BCAS3: variants seen among roughly 807,000 people sequenced by gnomAD.
BCAS3 encodes BCAS3 microtubule associated cell migration factor, also known as BCAS4/BCAS3 fusion.
Under a neutral mutation model 116.1 loss-of-function variants are expected in BCAS3, and 53 were observed. The ratio of observed to expected loss-of-function variants is 0.46; its 90% confidence interval spans 0.37 to 0.57. The LOEUF is 0.57. Ranked by LOEUF, BCAS3 falls within the 20% of genes least tolerant of loss-of-function variation. BCAS3 has a pLI of 0.00. For missense variants in BCAS3, 917 were observed against 1,165.4 expected (o/e 0.79, Z 3.10); for synonymous variants, 391 against 408.2 (o/e 0.96, Z 0.51).
intron 13 of BCAS3, among the ~76,000 whole-genome samples, chr17:60,942,334 G>A (rs898982457): frequency 1.3e-5 from 2 of 152,152 alleles, no homozygotes; most frequent in African/African-American, 4.8e-5. Context: ...GGCTGTGGCA[G>A]GAGAATTGCT....
At chr17:61,072,453 C>T (rs1482210811) in intron 19 of BCAS3, among the ~76,000 whole-genome samples, 11 of 152,060 alleles carry the variant, frequency 7.2e-5, no homozygotes, top group South Asian at 6.2e-4. Context: ...ATTCTAGTGC[C>T]GTTACTTACT....
chr17:61,080,146 C>G (rs1466569378), intron 21 of BCAS3, among the ~76,000 whole-genome samples: 3 of 151,914 alleles, frequency 2.0e-5, no homozygotes, highest in Non-Finnish European at 2.9e-5. Flanking sequence ...CTCAGGTGAT[C>G]TGCCCGCCTC....
chr17:60,819,836 C>T (rs1462559708), intron 7 of BCAS3, among the ~76,000 whole-genome samples: 1 of 152,040 alleles, frequency 6.6e-6, no homozygotes, highest in Non-Finnish European at 1.5e-5. Context: ...GATCCTAGCT[C>T]ACTGTAGCCT....
chr17:61,155,226 T>C (rs1341149073), intron 22 of BCAS3, among the ~76,000 whole-genome samples: 1 of 152,114 alleles, frequency 6.6e-6, no homozygotes, highest in African/African-American at 2.4e-5. Context: ...AGTAAAAAAT[T>C]TTAAAACACA....
intron 22 of BCAS3, among the ~76,000 whole-genome samples, chr17:61,320,722 AT>A (rs1367940484): frequency 2.6e-5 from 4 of 151,850 alleles, no homozygotes; most frequent in Non-Finnish European, 4.4e-5. Flanking sequence ...TTCTCAGCCT[AT>A]TTCTCTTTTG....
At chr17:60,951,857 T>C (rs955733407) in intron 14 of BCAS3, among the ~76,000 whole-genome samples, 2 of 149,200 alleles carry the variant, frequency 1.3e-5, no homozygotes, top group African/African-American at 5.0e-5. Flanking sequence ...GCAGCCTCTG[T>C]CCTCCCGGGT....
intron 4 of BCAS3, among the ~76,000 whole-genome samples, chr17:60,690,572 A>C (rs1432210539): frequency 6.6e-6 from 1 of 150,636 alleles, no homozygotes; most frequent in Non-Finnish European, 1.5e-5. Flanking sequence ...CCTGTCTAAA[A>C]ATAAATAAAT....
At chr17:61,350,644 T>C (rs1011249430) in intron 22 of BCAS3, among the ~76,000 whole-genome samples, 6 of 151,250 alleles carry the variant, frequency 4.0e-5, no homozygotes, top group African/African-American at 1.5e-4. Flanking sequence ...CTTTTTTTTT[T>C]TTTTTTGAGA....
In BCAS3 at chr17:61,333,611, C is replaced by CT. The variant is rs1555834293; in HGVS notation, c.2426-34713dup. On this transcript the variant is annotated intron_variant, in intron 22 of 23. Transcript: ENST00000407086. The surrounding 1 kb of genome is among the most constrained non-coding windows in gnomAD (Gnocchi z 4.8). ...CTAGAGCTTTATCAAGTTCTTGAAA[C>CT]TTTCTTTTTTTTTCTTTTTTTTTTT... 2.7e-5 allele frequency among the ~76,000 whole-genome samples: 4 copies of CT among 150,150 alleles called. No individual in the cohort carries two copies. The highest frequency in any genetic ancestry group is 5.9e-5 in the Non-Finnish European group (4 of 67,944).
Position 61,186,250 on chromosome 17 carries a change from A to G in BCAS3, c.2425+101686A>G, listed in dbSNP as rs1487259855. The stretch of plus-strand genomic sequence containing the variant: ...GATATGATAGCTTATTTATATATTC[A>G]TACACATTCTATAAAACCATTTTTA... On this transcript the variant is annotated intron_variant, in intron 22 of 23. Transcript: ENST00000407086. The surrounding 1 kb of genome is among the most constrained non-coding windows in gnomAD (Gnocchi z 4.9). Among the ~76,000 whole-genome samples, 2 of 152,200 alleles carry G rather than the reference A, an allele frequency of 1.3e-5. No individual in the cohort carries two copies. Among genetic ancestry groups the G allele is most frequent in the Admixed American group, 6.5e-5 (1 of 15,280 alleles).
At chr17:60,979,739 A>G (rs891801890) in intron 14 of BCAS3, among the ~76,000 whole-genome samples, 7 of 152,236 alleles carry the variant, frequency 4.6e-5, no homozygotes, top group African/African-American at 1.7e-4. Flanking sequence ...CCTTTTCTGC[A>G]TCTATTGAGA....
intron 5 of BCAS3, among the ~76,000 whole-genome samples, chr17:60,721,240 G>C (rs997440453): frequency 6.6e-6 from 1 of 152,094 alleles, no homozygotes; most frequent in Non-Finnish European, 1.5e-5. Context: ...ATGAAGTCCA[G>C]TGAAAAAAAT....
chr17:61,287,694 C>A (rs1316443504), intron 22 of BCAS3, among the ~76,000 whole-genome samples: 2 of 152,046 alleles, frequency 1.3e-5, no homozygotes, highest in Non-Finnish European at 2.9e-5. Flanking sequence ...TCGTTACACT[C>A]CAGCCTGGGT....
intron 23 of BCAS3, chr17:61,389,307 C>T (rs1303356049): frequency 6.5e-6 from 1 of 152,778 alleles, no homozygotes; most frequent in Non-Finnish European, 1.5e-5. Flanking sequence ...GGTCCAAACA[C>T]CACACAGCTT....
intron 19 of BCAS3, among the ~76,000 whole-genome samples, chr17:61,049,477 G>A (rs538366830): frequency 9.3e-4 from 141 of 151,926 alleles, no homozygotes; most frequent in African/African-American, 3.2e-3. Flanking sequence ...TGAAGAAGGG[G>A]TGGTGGGACA....
At chr17:60,910,758 A>T in intron 12 of BCAS3, 56 bp downstream of exon 12, 1 of 1,447,642 alleles carries the variant, frequency 6.9e-7, no homozygotes, top group Non-Finnish European at 9.3e-7. Context: ...TGGGGCTAAG[A>T]TCAAGATTAG....
At chr17:61,257,147 C>T (rs1245323507) in intron 22 of BCAS3, among the ~76,000 whole-genome samples, 3 of 152,042 alleles carry the variant, frequency 2.0e-5, no homozygotes, top group Non-Finnish European at 2.9e-5. Flanking sequence ...ACTGGCCAGG[C>T]GTGGTGGCTC....
chr17:61,162,226 G>T lies in BCAS3; in HGVS notation c.2425+77662G>T, dbSNP rs545044775. On this transcript the variant is annotated intron_variant, in intron 22 of 23. Transcript: ENST00000407086. The surrounding 1 kb of genome is among the most constrained non-coding windows in gnomAD (Gnocchi z 5.6). ...TGATTGCAATGTGTATGGAGCCACG[G>T]TTCTTACAGGAGTGGGTATGGTTCA... is the stretch of plus-strand genomic sequence containing the variant. Among the ~76,000 whole-genome samples, 2 of 152,278 alleles carry T rather than the reference G, an allele frequency of 1.3e-5. No individual in the cohort carries two copies. Among genetic ancestry groups the T allele is most frequent in the East Asian group, 3.9e-4 (2 of 5,180 alleles).
At chr17:60,879,731 T>A (rs1045900887) in intron 9 of BCAS3, among the ~76,000 whole-genome samples, 1 of 152,262 alleles carries the variant, frequency 6.6e-6, no homozygotes. Context: ...TTTCTTATAA[T>A]CTTAGTGTTA....
Sources: gnomAD v4.1 joint callset for allele counts (sites outside exome capture counted in the v4.1 genomes callset) on GRCh38, gnomAD v4.1.1 for gene constraint, Gnocchi (gnomAD v3.1) non-coding constraint, MANE v1.5 for transcripts, NCBI Gene and HGNC (gene_info 2026-07-23, HGNC 2026-07-21) for gene names.